Variants in SCN2A observed in about 807,000 individuals in gnomAD.
SCN2A encodes sodium channel protein type 2 subunit alpha.
A neutral mutation model predicts 188.7 loss-of-function variants in SCN2A; 20 were observed. That is an observed-to-expected ratio of 0.11 (90% CI 0.07 to 0.15). The LOEUF is 0.15. Among genes scored for constraint, SCN2A ranks in the 10% least tolerant of loss-of-function variants. The pLI is 1.00. For synonymous variants in SCN2A, 804 were observed against 833.1 expected (o/e 0.97, Z 0.60); for missense variants, 1,278 against 2,445.0 (o/e 0.52, Z 10.07).
chr2:165,288,732 ATG>A (rs71977859), intron 1 of SCN2A, among the ~76,000 whole-genome samples: 213 of 107,466 alleles, frequency 2.0e-3, no homozygotes, highest in South Asian at 5.9e-3. Context: ...ATACATATAC[ATG>A]TGTGTGTGTG....
At chr2:165,326,019 T>G (rs1254365410) in intron 12 of SCN2A, among the ~76,000 whole-genome samples, 1 of 152,194 alleles carries the variant, frequency 6.6e-6, no homozygotes, top group Non-Finnish European at 1.5e-5. Context: ...TGAAACTTTT[T>G]AATTTATTAT....
chr2:165,300,894 A>G (rs1696775725), intron 3 of SCN2A, among the ~76,000 whole-genome samples: 1 of 152,210 alleles, frequency 6.6e-6, no homozygotes, highest in Admixed American at 6.5e-5. Flanking sequence ...TAGACTGCAT[A>G]AGGGGAAAGA....
chr2:165,260,259 T>C, intron 1 of SCN2A, among the ~76,000 whole-genome samples: 1 of 152,112 alleles, frequency 6.6e-6, no homozygotes. Flanking sequence ...GATTTCTTAA[T>C]AAGACTTGCA....
At position 165,308,899 on chromosome 2, in the gene SCN2A, T is replaced by C. The variant is rs1264293849; in HGVS notation, c.605+105T>C. Reference sequence around the variant, plus strand: ...GCCTTGACAGACCAAGCATTTTTCTTAGTAATCATAGTTTTCTTCCAATCA... The same window carrying C: ...GCCTTGACAGACCAAGCATTTTTCTCAGTAATCATAGTTTTCTTCCAATCA... On this transcript the variant is annotated intron_variant, in intron 5 of 26. Transcript: ENST00000375437. 14 of 1,380,040 alleles carry C rather than the reference T, an allele frequency of 1.0e-5. No homozygotes were observed. The Admixed American group carries it at 2.5e-4, about 25-fold the overall frequency. 85.5% of individuals were successfully genotyped at this position (1,380,040 alleles called of 1,614,324 possible).
intron 8 of SCN2A, 103 bp from the exon 9 acceptor site, chr2:165,313,517 C>G: frequency 7.1e-7 from 1 of 1,409,488 alleles, no homozygotes; most frequent in Non-Finnish European, 1.0e-6. Flanking sequence ...CGGCTTTTTT[C>G]TAGTGCCTGT....
chr2:165,260,982 A>G (rs1220461708), intron 1 of SCN2A, among the ~76,000 whole-genome samples: 2 of 151,504 alleles, frequency 1.3e-5, no homozygotes, highest in Non-Finnish European at 2.9e-5. Context: ...AAAAAAAAAA[A>G]AAAAAAAGGT....
At chr2:165,383,178 C>G (rs183266798) in intron 25 of SCN2A, among the ~76,000 whole-genome samples, 20 of 152,022 alleles carry the variant, frequency 1.3e-4, no homozygotes, top group African/African-American at 4.3e-4. Flanking sequence ...TCAAATAGTC[C>G]TGCCAAAAAA....
intron 15 of SCN2A, among the ~76,000 whole-genome samples, chr2:165,343,819 AG>A: frequency 8.4e-6 from 1 of 119,750 alleles, no homozygotes; most frequent in East Asian, 2.3e-4. Context: ...GTTTTACTTA[AG>A]TTTAAGTATT....
rs1693528131 is a variant in SCN2A, at chr2:165,239,566, G to A, written c.-126G>A. Reference sequence around the variant, plus strand: ...TTTCTACTCCAGTAAAAATTCTGAAGAATTGCATTGGAGACTGTTATATTC... The same window carrying A: ...TTTCTACTCCAGTAAAAATTCTGAAAAATTGCATTGGAGACTGTTATATTC... On this transcript the variant is annotated 5_prime_UTR_variant, in exon 1 of 27. Transcript: ENST00000375437. 2.5e-5 allele frequency: 23 copies of A among 932,720 alleles called. No individual in the cohort carries two copies. Among genetic ancestry groups the A allele is most frequent in the Non-Finnish European group, 2.9e-5 (23 of 782,204 alleles). The allele number at this position is 932,720 out of a possible 1,614,324, so 57.8% of individuals were successfully genotyped here. A position where few individuals can be genotyped will look rare whatever the true frequency, so the allele number is the denominator to read the frequency against.
chr2:165,364,396 T>C (rs1389400653), intron 17 of SCN2A, among the ~76,000 whole-genome samples: 1 of 152,184 alleles, frequency 6.6e-6, no homozygotes, highest in Non-Finnish European at 1.5e-5. Context: ...ACTTCTATTA[T>C]ATTTTTCTTT....
chr2:165,242,463 G>A (rs550649911), intron 1 of SCN2A, among the ~76,000 whole-genome samples: 1 of 152,206 alleles, frequency 6.6e-6, no homozygotes, highest in Non-Finnish European at 1.5e-5. Context: ...TTCATAAGAG[G>A]ATAGAGTAAA....
At chr2:165,291,784 A>T (rs568086607) in intron 1 of SCN2A, among the ~76,000 whole-genome samples, 2 of 151,582 alleles carry the variant, frequency 1.3e-5, no homozygotes, top group East Asian at 3.9e-4. Context: ...CTGTACCACA[A>T]TGATAACCCT....
chr2:165,254,212 G>T (rs1233642851), intron 1 of SCN2A, among the ~76,000 whole-genome samples: 1 of 151,510 alleles, frequency 6.6e-6, no homozygotes, highest in East Asian at 1.9e-4. Context: ...TCTAGATGTA[G>T]TTCATATTCT....
chr2:165,323,112 A>G, intron 11 of SCN2A, 44 bp from the exon 12 acceptor site: 15 of 1,491,072 alleles, frequency 1.0e-5, no homozygotes, highest in African/African-American at 1.4e-5. Flanking sequence ...GCCAGCTCTT[A>G]ACTCTCTTCA....
intron 1 of SCN2A, among the ~76,000 whole-genome samples, chr2:165,254,919 G>GT (rs1161105723): frequency 6.6e-6 from 1 of 151,660 alleles, no homozygotes; most frequent in African/African-American, 2.4e-5. Flanking sequence ...GTTGAGATAT[G>GT]TTTTCTCTCT....
At chr2:165,244,543 T>C (rs1367359005) in intron 1 of SCN2A, among the ~76,000 whole-genome samples, 2 of 152,196 alleles carry the variant, frequency 1.3e-5, no homozygotes, top group Non-Finnish European at 2.9e-5. Flanking sequence ...TGTTTATTAG[T>C]GAAACATTTT....
intron 14 of SCN2A, among the ~76,000 whole-genome samples, chr2:165,335,810 A>C (rs567499423): frequency 6.6e-6 from 1 of 152,014 alleles, no homozygotes; most frequent in South Asian, 2.1e-4. Flanking sequence ...TAAAAAGACA[A>C]CTTAAAGAAT....
intron 17 of SCN2A, among the ~76,000 whole-genome samples, chr2:165,360,826 A>G (rs1045798435): frequency 2.0e-5 from 3 of 151,982 alleles, no homozygotes; most frequent in Admixed American, 2.0e-4. Flanking sequence ...TAGCCAGTTC[A>G]TATTTTGGTC....
chr2:165,274,202 A>G (rs1452946277), intron 1 of SCN2A: 1 of 152,108 alleles, frequency 6.6e-6, no homozygotes, highest in Non-Finnish European at 1.5e-5. Flanking sequence ...ATATTTAATA[A>G]TATTAAGAAA....
Sources: gnomAD v4.1 joint callset for allele counts (sites outside exome capture counted in the v4.1 genomes callset) on GRCh38, gnomAD v4.1.1 for gene constraint, MANE v1.5 for transcripts, NCBI Gene and HGNC (gene_info 2026-07-23, HGNC 2026-07-21) for gene names.